RNF180: variants seen among roughly 807,000 people sequenced by gnomAD.
RNF180 encodes the protein ring finger protein 180, also known as E3 ubiquitin-protein ligase RNF180.
Under a neutral mutation model 59.2 loss-of-function variants are expected in RNF180, and 38 were observed. That is an observed-to-expected ratio of 0.64 (90% confidence interval 0.50 to 0.84). The LOEUF is 0.84. RNF180 is among the 40% of genes least tolerant of loss of function. RNF180 has a pLI of 0.00. For synonymous variants in RNF180, 262 were observed against 240.3 expected (o/e 1.09, Z -0.84); for missense variants, 705 against 700.9 (o/e 1.01, Z -0.07).
chr5:64,315,325 G>C (rs1428743224), intron 5 of RNF180, among the ~76,000 whole-genome samples: 1 of 152,106 alleles, frequency 6.6e-6, no homozygotes, highest in African/African-American at 2.4e-5. Context: ...GATTTACTTT[G>C]TTCTTTTTTG....
intron 5 of RNF180, among the ~76,000 whole-genome samples, chr5:64,284,800 A>G (rs927851294): frequency 1.3e-5 from 2 of 152,128 alleles, no homozygotes; most frequent in Non-Finnish European, 2.9e-5. Flanking sequence ...TCCTGTCTAT[A>G]TTCTGAATTC....
chr5:64,206,454 A>G (rs1044834397), intron 2 of RNF180, among the ~76,000 whole-genome samples: 7 of 152,132 alleles, frequency 4.6e-5, no homozygotes, highest in African/African-American at 1.7e-4. Context: ...TTTTTTGGTT[A>G]GATAATTTGC....
chr5:64,324,751 G>A (rs1426427232), intron 5 of RNF180, among the ~76,000 whole-genome samples: 2 of 152,188 alleles, frequency 1.3e-5, no homozygotes, highest in African/African-American at 4.8e-5. Flanking sequence ...CGCAGTATGA[G>A]AATGAAGTAT....
chr5:64,171,019 T>C (rs1749907484), intron 1 of RNF180, among the ~76,000 whole-genome samples: 1 of 152,184 alleles, frequency 6.6e-6, no homozygotes, highest in Non-Finnish European at 1.5e-5. Context: ...CATAGGTCTA[T>C]TAGGGATCTA....
chr5:64,296,424 T>C lies in RNF180; in HGVS notation c.1228-28762T>C, dbSNP rs559290468. Reference sequence around the variant, plus strand: ...GGTAGTTAAATGTTGCAAATTTTATTGACTCAAGACAAAAATTCCATCCAA... The same window carrying C: ...GGTAGTTAAATGTTGCAAATTTTATCGACTCAAGACAAAAATTCCATCCAA... On this transcript the variant is annotated intron_variant, in intron 5 of 7. Transcript: ENST00000389100. Among the ~76,000 whole-genome samples the C allele has an allele frequency of 5.9e-5, 9 of 152,326 alleles. No homozygotes were observed. In the East Asian group the frequency reaches 1.7e-3, roughly 29 times the overall value.
chr5:64,258,641 T>A (rs915847629), intron 5 of RNF180, among the ~76,000 whole-genome samples: 1 of 152,178 alleles, frequency 6.6e-6, no homozygotes, highest in Non-Finnish European at 1.5e-5. Flanking sequence ...TTGACATGCC[T>A]GTGGGGTGTG....
chr5:64,201,036 A>G, intron 2 of RNF180, 94 bp downstream of exon 2: 1 of 922,676 alleles, frequency 1.1e-6, no homozygotes, highest in Non-Finnish European at 1.6e-6. Context: ...CTACCTTATT[A>G]AGAATATTTA....
At chr5:64,349,675 A>G (rs958814301) in intron 7 of RNF180, among the ~76,000 whole-genome samples, 1 of 151,770 alleles carries the variant, frequency 6.6e-6, no homozygotes, top group African/African-American at 2.4e-5. Flanking sequence ...CCTATGAGTG[A>G]GAACATGCGG....
chr5:64,174,959 C>CTTTTTTTTT lies in RNF180; in HGVS notation c.-1+9024_-1+9032dup, dbSNP rs370660214. On this transcript the variant is annotated intron_variant, in intron 1 of 7. Transcript: ENST00000389100. ...TTACATTTAAGTCTTTAATCCAGTT[C>CTTTTTTTTT]TTTTTTTTTTTTTTTTTTTTTTTTT... Among the ~76,000 whole-genome samples the CTTTTTTTTT allele has an allele frequency of 3.7e-4, 31 of 84,750 alleles. 2 individuals are homozygous for CTTTTTTTTT. The highest frequency in any genetic ancestry group is 1.3e-3 in the African/African-American group (27 of 20,288). The allele number at this position is 84,750 out of a possible 152,430, so 55.6% of individuals were successfully genotyped here. A position where few individuals can be genotyped will look rare whatever the true frequency, so the allele number is the denominator to read the frequency against.
chr5:64,196,864 G>A (rs1751481280), intron 1 of RNF180, among the ~76,000 whole-genome samples: 1 of 151,906 alleles, frequency 6.6e-6, no homozygotes, highest in African/African-American at 2.4e-5. Flanking sequence ...GGTAAAATTT[G>A]GCAGTTACAG....
chr5:64,357,484 C>A (rs1370317691), intron 7 of RNF180, among the ~76,000 whole-genome samples: 2 of 151,800 alleles, frequency 1.3e-5, no homozygotes, highest in East Asian at 1.9e-4. Context: ...AAAGAACCTG[C>A]AAAATGTCTT....
At chr5:64,363,600 G>T (rs1746339659) in intron 7 of RNF180, among the ~76,000 whole-genome samples, 1 of 151,698 alleles carries the variant, frequency 6.6e-6, no homozygotes, top group African/African-American at 2.4e-5. Flanking sequence ...GAACTTTAAA[G>T]TAGTTTTCTC....
In RNF180 at chr5:64,213,778, C is replaced by T; in HGVS notation, c.452C>T (p.Ala151Val). The change falls in exon 4 of 8, where the codon GCT (alanine) becomes GTT (valine). Residue 151 changes from alanine to valine, a missense_variant. Ala to Val is a moderately conservative substitution (Grantham distance 64). Coordinates refer to ENST00000389100, the MANE Select transcript of RNF180 (RefSeq NM_001113561.2). ...PRVQSGCDKEALLTGGGSENR... is the reference protein window; with the variant it reads ...PRVQSGCDKEVLLTGGGSENR... ...GTTCAGTCAGGTTGTGACAAGGAAG[C>T]TCTGCTGACAGGTGGTGGCTCTGAA... 1 of 1,614,180 alleles carries T rather than the reference C, an allele frequency of 6.2e-7. No individual in the cohort carries two copies. Among genetic ancestry groups the T allele is most frequent in the Non-Finnish European group, 8.5e-7 (1 of 1,180,016 alleles).
chr5:64,234,311 C>G (rs1256514282), intron 5 of RNF180, among the ~76,000 whole-genome samples: 3 of 151,820 alleles, frequency 2.0e-5, no homozygotes, highest in Admixed American at 1.3e-4. Flanking sequence ...CTAAAAAATA[C>G]AAAAATTAGC....
intron 5 of RNF180, among the ~76,000 whole-genome samples, chr5:64,221,988 CT>C (rs200142727): frequency 2.0e-5 from 3 of 151,840 alleles, no homozygotes; most frequent in African/African-American, 4.8e-5. Flanking sequence ...CCTAATAAGT[CT>C]TTTTTTTGTT....
At chr5:64,369,087 T>A in intron 7 of RNF180, among the ~76,000 whole-genome samples, 1 of 152,062 alleles carries the variant, frequency 6.6e-6, no homozygotes, top group East Asian at 1.9e-4. Context: ...TAGATTGGAT[T>A]AAGAAAATGT....
At chr5:64,179,992 GAAC>G (rs1334623207) in intron 1 of RNF180, among the ~76,000 whole-genome samples, 1 of 152,114 alleles carries the variant, frequency 6.6e-6, no homozygotes, top group Non-Finnish European at 1.5e-5. Context: ...TGGTGAGGTT[GAAC>G]ACTTTTTATA....
chr5:64,258,442 A>G (rs1744118778), intron 5 of RNF180, among the ~76,000 whole-genome samples: 2 of 152,158 alleles, frequency 1.3e-5, no homozygotes, highest in South Asian at 2.1e-4. Context: ...AAATGATATG[A>G]TGCATTGACA....
intron 7 of RNF180, among the ~76,000 whole-genome samples, chr5:64,338,836 C>A (rs1745238926): frequency 6.6e-6 from 1 of 151,974 alleles, no homozygotes; most frequent in Non-Finnish European, 1.5e-5. Flanking sequence ...TACGGCTTTA[C>A]TTCCTCAATT....
Sources: gnomAD v4.1 joint callset for allele counts (sites outside exome capture counted in the v4.1 genomes callset) on GRCh38, gnomAD v4.1.1 for gene constraint, MANE v1.5 for transcripts, NCBI Gene and HGNC (gene_info 2026-07-23, HGNC 2026-07-21) for gene names.